TRIP12: variants seen among roughly 807,000 people sequenced by gnomAD.
TRIP12 encodes E3 ubiquitin-protein ligase TRIP12.
In TRIP12, 25 loss-of-function variants were observed where a neutral mutation model predicts 244.2. The ratio of observed to expected loss-of-function variants is 0.10; its 90% confidence interval spans 0.07 to 0.14. The LOEUF is 0.14. Among genes scored for constraint, TRIP12 ranks in the 10% least tolerant of loss-of-function variants. The pLI, the probability that TRIP12 is intolerant of heterozygous loss-of-function variation, is 1.00. For missense variants in TRIP12, 1,677 were observed against 2,486.4 expected, an observed-to-expected ratio of 0.67 and a Z score of 6.92; for synonymous variants, 905 against 873.1, an observed-to-expected ratio of 1.04 and a Z score of -0.64.
At chr2:229,847,009 G>A (rs2057704690) in intron 4 of TRIP12, among the ~76,000 whole-genome samples, 1 of 152,148 alleles carries the variant, frequency 6.6e-6, no homozygotes, top group Non-Finnish European at 1.5e-5. Context: ...TATTTAATAA[G>A]GATTTGAACA....
chr2:229,878,135 G>A (rs2063987097), intron 2 of TRIP12, among the ~76,000 whole-genome samples: 1 of 152,108 alleles, frequency 6.6e-6, no homozygotes, highest in African/African-American at 2.4e-5. Flanking sequence ...AAGACACATA[G>A]CTATTTAATG....
chr2:229,835,143 A>AG (rs1403940986), intron 6 of TRIP12, among the ~76,000 whole-genome samples: 1 of 152,242 alleles, frequency 6.6e-6, no homozygotes, highest in Non-Finnish European at 1.5e-5. Flanking sequence ...ATGAGTCAGC[A>AG]GAGAAATTCC....
At chr2:229,774,069 C>T (rs770199077) in intron 38 of TRIP12, 28 bp downstream of exon 38, 2 of 1,602,402 alleles carry the variant, frequency 1.2e-6, no homozygotes, top group East Asian at 4.5e-5. Context: ...TCACAACTGG[C>T]CTACCCCCCA....
intron 9 of TRIP12, 113 bp downstream of exon 9, chr2:229,818,251 T>A: frequency 8.4e-7 from 1 of 1,192,032 alleles, no homozygotes. Flanking sequence ...ACTCCTCTCT[T>A]AACTCTATCA....
In TRIP12 at chr2:229,789,058, C is replaced by T. The variant is rs977906674; in HGVS notation, c.4696-118G>A. On this transcript the variant is annotated intron_variant, in intron 31 of 41. Coordinates refer to ENST00000675903, the MANE Select transcript of TRIP12 (RefSeq NM_001348323.3). ...GTACCCTGAATTCACGTGTTGGTTT[C>T]CAACATACAACACACAGCCTCTCAT... is the stretch of plus-strand genomic sequence containing the variant. 6 of 899,278 alleles carry T rather than the reference C, an allele frequency of 6.7e-6. No homozygotes were observed. In the African/African-American group the frequency reaches 1.0e-4, roughly 15 times the overall value. The allele number at this position is 899,278 out of a possible 1,614,324, so 55.7% of individuals were successfully genotyped here.
In TRIP12 at chr2:229,778,532, G is replaced by C. The variant is rs1341042419; in HGVS notation, c.5265C>G (p.Pro1755=). ...IQNLQGLFAL[P]FGRTAKPAHI... is the part of the protein sequence containing the mutation. ...GAGCTGGCTTTGCTGTCCTACCAAA[G>C]GGAAGCGCAAACAGGCCCTGGAGGT... Residue 1755 remains proline (P), a synonymous_variant, in exon 36 of 42, where the codon CCC becomes CCG. Transcript: ENST00000675903. This position sits in a 1 kb window ranked among gnomAD's most constrained non-coding sequence, Gnocchi z 4.1. 1.2e-6 allele frequency: 2 copies of C among 1,614,014 alleles called. No homozygotes were observed. The highest frequency in any genetic ancestry group is 2.2e-5 in the South Asian group (2 of 91,066).
chr2:229,802,155 T>A, intron 21 of TRIP12, 97 bp downstream of exon 21: 1 of 845,482 alleles, frequency 1.2e-6, no homozygotes, highest in Non-Finnish European at 1.7e-6. Context: ...AATATATATA[T>A]GCTAATATGT....
chr2:229,795,162 C>CA lies in TRIP12; in HGVS notation c.3968+16dup. 6.2e-7 allele frequency: 1 copy of CA among 1,610,202 alleles called. No homozygotes were observed. The highest frequency in any genetic ancestry group is 8.5e-7 in the Non-Finnish European group (1 of 1,178,134). ...CAAATTCCAGTGGCAAGGGTATAGC[C>CA]AGGCAATGGTCCTTACCTGCCTCCT... On this transcript the variant is annotated intron_variant, in intron 26 of 41. Coordinates refer to ENST00000675903, the MANE Select transcript of TRIP12 (RefSeq NM_001348323.3).
chr2:229,902,984 C>T (rs1012670428), intron 1 of TRIP12, among the ~76,000 whole-genome samples: 2 of 146,602 alleles, frequency 1.4e-5, no homozygotes, highest in African/African-American at 5.1e-5. Context: ...AATACCATTA[C>T]TGTGTGCGGG....
rs568727836 is a variant in TRIP12, at chr2:229,858,733, T to G, written c.1027+39A>C. The G allele has an allele frequency of 8.6e-6, 13 of 1,514,516 alleles. No individual in the cohort carries two copies. In the African/African-American group the frequency reaches 1.5e-4, roughly 18 times the overall value. 93.8% of individuals were successfully genotyped at this position (1,514,516 alleles called of 1,614,324 possible). Reference sequence around the variant, plus strand: ...TTGCTTTTGACAAACCAAGAGAAACTTTCTTTAATTAAAGAAAAATACCTT... The same window carrying G: ...TTGCTTTTGACAAACCAAGAGAAACGTTCTTTAATTAAAGAAAAATACCTT... On this transcript the variant is annotated intron_variant, in intron 4 of 41. Transcript: ENST00000675903.
At chr2:229,802,689 A>C (rs2044695489) in intron 20 of TRIP12, among the ~76,000 whole-genome samples, 1 of 152,248 alleles carries the variant, frequency 6.6e-6, no homozygotes, top group Non-Finnish European at 1.5e-5. Flanking sequence ...AATGTCTTCT[A>C]ATCTTCAAAA....
rs761952777 is a variant in TRIP12, at chr2:229,868,513, T to C, written c.99-7982A>G. On this transcript the variant is annotated intron_variant, in intron 2 of 41. Coordinates refer to ENST00000675903, the MANE Select transcript of TRIP12 (RefSeq NM_001348323.3). ...ACACTGCGCCCAACCAATTCTAGTA[T>C]AAATACCTTTAAAAAGTGGCTCAAA... Among the ~76,000 whole-genome samples the C allele has an allele frequency of 2.6e-5, 4 of 152,162 alleles. No individual in the cohort carries two copies. The South Asian group carries it at 8.3e-4, about 31-fold the overall frequency.
At chr2:229,881,084 T>G (rs1472578000) in intron 1 of TRIP12, among the ~76,000 whole-genome samples, 1 of 152,166 alleles carries the variant, frequency 6.6e-6, no homozygotes, top group Non-Finnish European at 1.5e-5. Flanking sequence ...GCCGTGACCT[T>G]GGACAAAATA....
At chr2:229,799,198 G>C (rs1423325294) in intron 22 of TRIP12, 85 bp downstream of exon 22, 5 of 1,529,268 alleles carry the variant, frequency 3.3e-6, no homozygotes, top group Non-Finnish European at 3.6e-6. Context: ...TACTTCAAGA[G>C]CTACTGGCAG....
chr2:229,864,047 A>AGAGTGTGTGT, intron 2 of TRIP12, among the ~76,000 whole-genome samples: 7 of 79,320 alleles, frequency 8.8e-5, no homozygotes, highest in African/African-American at 1.5e-4. Context: ...AGAGAGAGAG[A>AGAGTGTGTGT]GTGTGTGTGT....
intron 21 of TRIP12, among the ~76,000 whole-genome samples, chr2:229,800,421 G>A (rs979775708): frequency 1.3e-5 from 2 of 151,986 alleles, no homozygotes; most frequent in African/African-American, 4.8e-5. Context: ...AAATGTTGTG[G>A]TTTAGTTGGT....
intron 17 of TRIP12, 89 bp from the exon 18 acceptor site, chr2:229,805,972 T>C (rs1481908634): frequency 8.4e-6 from 9 of 1,072,220 alleles, no homozygotes; most frequent in Non-Finnish European, 1.1e-5. Context: ...ATATGCTATC[T>C]TACATATTTA....
chr2:229,847,702 A>G (rs2057855320), intron 4 of TRIP12, among the ~76,000 whole-genome samples: 1 of 152,202 alleles, frequency 6.6e-6, no homozygotes, highest in Non-Finnish European at 1.5e-5. Flanking sequence ...ATGATGCCAG[A>G]TACCTCTAGG....
intron 6 of TRIP12, 79 bp downstream of exon 6, chr2:229,836,769 C>A: frequency 6.8e-7 from 1 of 1,472,642 alleles, no homozygotes; most frequent in Non-Finnish European, 9.1e-7. Flanking sequence ...ATAGTAACAC[C>A]TAGCATACTT....
Sources: gnomAD v4.1 joint callset for allele counts (sites outside exome capture counted in the v4.1 genomes callset) on GRCh38, gnomAD v4.1.1 for gene constraint, Gnocchi (gnomAD v3.1) non-coding constraint, MANE v1.5 for transcripts, NCBI Gene and HGNC (gene_info 2026-07-23, HGNC 2026-07-21) for gene names.